NOX4: variants seen among roughly 807,000 people sequenced by gnomAD.
The protein encoded by NOX4 is kidney oxidase-1.
A neutral mutation model predicts 87.6 loss-of-function variants in NOX4; 69 were observed. The ratio of observed to expected loss-of-function variants is 0.79; its 90% CI spans 0.65 to 0.96. The LOEUF (loss-of-function observed/expected upper bound fraction) is 0.96. Ranked by LOEUF, NOX4 falls within the 40% of genes least tolerant of loss-of-function variation. The pLI is 0.00. For synonymous variants in NOX4, 275 were observed against 238.2 expected (o/e 1.15, Z -1.42); for missense variants, 680 against 681.5 (o/e 1.00, Z 0.02).
intron 9 of NOX4, among the ~76,000 whole-genome samples, chr11:89,400,832 A>T (rs1941803435): frequency 7.2e-6 from 1 of 137,942 alleles, no homozygotes. Flanking sequence ...TATGCATAAT[A>T]TACATACATA....
intron 6 of NOX4, among the ~76,000 whole-genome samples, chr11:89,438,197 A>T (rs915496658): frequency 6.9e-6 from 1 of 145,630 alleles, no homozygotes; most frequent in Non-Finnish European, 1.5e-5. Flanking sequence ...AGTATTAGTT[A>T]TTAGTATAAT....
chr11:89,406,403 T>A (rs1474461510), intron 8 of NOX4, among the ~76,000 whole-genome samples: 1 of 152,110 alleles, frequency 6.6e-6, no homozygotes, highest in African/African-American at 2.4e-5. Context: ...TAGAATGAAA[T>A]CTTCTCAAAT....
intron 11 of NOX4, among the ~76,000 whole-genome samples, chr11:89,378,676 G>A (rs1462633789): frequency 3.9e-5 from 6 of 152,012 alleles, no homozygotes; most frequent in Non-Finnish European, 1.5e-5. Context: ...GAAAAATATG[G>A]GAGAATTAAC....
chr11:89,387,705 A>G (rs1940814550), intron 11 of NOX4, among the ~76,000 whole-genome samples: 1 of 152,220 alleles, frequency 6.6e-6, no homozygotes, highest in African/African-American at 2.4e-5. Context: ...TGTCTACCTC[A>G]GCTAAATATG....
intron 2 of NOX4, among the ~76,000 whole-genome samples, chr11:89,471,696 A>G (rs1330264515): frequency 6.6e-6 from 1 of 152,132 alleles, no homozygotes; most frequent in Admixed American, 6.6e-5. Context: ...GGACTGATTA[A>G]AAAGCTGATT....
the NOX4 span, among the ~76,000 whole-genome samples, chr11:89,513,372 A>G: frequency 6.6e-6 from 1 of 151,982 alleles, no homozygotes; most frequent in Non-Finnish European, 1.5e-5. Flanking sequence ...CTTTGTCTTA[A>G]CTCACTAGAT....
chr11:89,551,483 A>AGTG, the NOX4 span, among the ~76,000 whole-genome samples: 25 of 152,150 alleles, frequency 1.6e-4, no homozygotes, highest in Non-Finnish European at 3.5e-4. Context: ...TTCCTTGAGC[A>AGTG]GTGGTTTGTA....
At chr11:89,528,848 C>A in the NOX4 span, among the ~76,000 whole-genome samples, 26 of 152,258 alleles carry the variant, frequency 1.7e-4, no homozygotes, top group African/African-American at 6.0e-4. Context: ...GACTGACTGA[C>A]AAATCAATCA....
At chr11:89,337,639 A>C in intron 15 of NOX4, 124 bp from the exon 16 acceptor site, 1 of 1,311,606 alleles carries the variant, frequency 7.6e-7, no homozygotes, top group Non-Finnish European at 1.1e-6. Flanking sequence ...CAATATCTAT[A>C]AGAAAATGAA....
At chr11:89,436,995 C>A (rs951565414) in intron 6 of NOX4, among the ~76,000 whole-genome samples, 1 of 151,642 alleles carries the variant, frequency 6.6e-6, no homozygotes, top group Non-Finnish European at 1.5e-5. Flanking sequence ...GAAAAAAATT[C>A]CAACACACAG....
intron 5 of NOX4, among the ~76,000 whole-genome samples, chr11:89,442,014 A>G (rs1268565071): frequency 6.7e-6 from 1 of 148,250 alleles, no homozygotes; most frequent in South Asian, 2.1e-4. Flanking sequence ...TAATCTATAT[A>G]TAATAGATAT....
Position 89,450,615 on chromosome 11 carries a change from A to G in NOX4, c.265-1091T>C, listed in dbSNP as rs550248569. Among the ~76,000 whole-genome samples the G allele has an allele frequency of 3.3e-5, 5 of 152,162 alleles. No homozygotes were observed. The South Asian group carries it at 1.0e-3, about 32-fold the overall frequency. On this transcript the variant is annotated intron_variant, in intron 3 of 17. Coordinates refer to ENST00000263317, the MANE Select transcript of NOX4 (RefSeq NM_016931.5). ...ACTTTAAGTTTTAGGGTACATGTGC[A>G]CAATGTGCAGGTTAGTTACATATGT...
At chr11:89,543,649 C>CA in the NOX4 span, among the ~76,000 whole-genome samples, 1 of 151,890 alleles carries the variant, frequency 6.6e-6, no homozygotes, top group Non-Finnish European at 1.5e-5. Flanking sequence ...ATTGATGCAA[C>CA]AAAAAATTTA....
rs1040604095 is a variant in NOX4 at position 89,325,566 on chromosome 11, G to A, written c.*1190C>T. 1.3e-4 allele frequency: 20 copies of A among 152,072 alleles called. No individual in the cohort carries two copies. The highest frequency in any genetic ancestry group is 7.9e-4 in the Admixed American group (12 of 15,256). 9.4% of individuals were successfully genotyped at this position (152,072 alleles called of 1,614,324 possible). A position where few individuals can be genotyped will look rare whatever the true frequency, so the allele number is the denominator to read the frequency against. ...GGAAACTCAGGATACCAAAAAGTGC[G>A]ACAGTAATATTCTGGATTCTAAACT... On this transcript the variant is annotated 3_prime_UTR_variant, in exon 18 of 18. Coordinates refer to ENST00000263317, the MANE Select transcript of NOX4 (RefSeq NM_016931.5).
At chr11:89,582,561 A>C in the NOX4 span, among the ~76,000 whole-genome samples, 1 of 151,810 alleles carries the variant, frequency 6.6e-6, no homozygotes, top group Non-Finnish European at 1.5e-5. Flanking sequence ...TTTTCTTTGA[A>C]CTCACTGTCC....
chr11:89,430,133 G>C (rs988682695), intron 7 of NOX4, among the ~76,000 whole-genome samples: 2 of 152,096 alleles, frequency 1.3e-5, no homozygotes, highest in African/African-American at 4.8e-5. Context: ...TGCAGAAAAG[G>C]CCTTTGACAA....
intron 8 of NOX4, among the ~76,000 whole-genome samples, chr11:89,403,766 T>G (rs1369208086): frequency 6.6e-6 from 1 of 152,052 alleles, no homozygotes; most frequent in African/African-American, 2.4e-5. Flanking sequence ...ATAACAGCTA[T>G]GATGCTTTTA....
chr11:89,413,627 C>T (rs1256297640), intron 8 of NOX4, among the ~76,000 whole-genome samples: 5 of 151,986 alleles, frequency 3.3e-5, no homozygotes, highest in Non-Finnish European at 7.4e-5. Context: ...AAAATGAAAA[C>T]TGAACTCGTG....
chr11:89,550,686 A>G, the NOX4 span, among the ~76,000 whole-genome samples: 2 of 152,082 alleles, frequency 1.3e-5, no homozygotes, highest in African/African-American at 2.4e-5. Context: ...TAGACTGTGT[A>G]TATTAACCCT....
Sources: gnomAD v4.1 joint callset for allele counts (sites outside exome capture counted in the v4.1 genomes callset) on GRCh38, gnomAD v4.1.1 for gene constraint, MANE v1.5 for transcripts, NCBI Gene and HGNC (gene_info 2026-07-23, HGNC 2026-07-21) for gene names.